Variants in TFCP2 observed in about 807,000 individuals in gnomAD.
TFCP2 encodes the protein alpha-globin transcription factor CP2.
A neutral mutation model predicts 73.4 loss-of-function variants in TFCP2; 33 were observed. That is an observed-to-expected ratio of 0.45 (90% CI 0.34 to 0.60). The LOEUF is 0.60. Among genes scored for constraint, TFCP2 ranks in the 20% least tolerant of loss-of-function variants. The probability of loss-of-function intolerance (pLI) is 0.01; values close to 1 mark genes in which losing one functional copy is unlikely to be tolerated. For synonymous variants in TFCP2, 193 were observed against 211.6 expected (o/e 0.91, Z 0.76); for missense variants, 352 against 604.0 (o/e 0.58, Z 4.37).
chr12:51,149,239 G>A (rs1463852700), intron 1 of TFCP2, among the ~76,000 whole-genome samples: 2 of 151,962 alleles, frequency 1.3e-5, no homozygotes, highest in Non-Finnish European at 2.9e-5. Flanking sequence ...AAATGTTTAA[G>A]TATAATACAA....
rs1939922956 is a variant in TFCP2, at chr12:51,095,167, T to G, written c.*74A>C. 1.3e-6 allele frequency: 2 copies of G among 1,501,190 alleles called. No individual in the cohort carries two copies. Among genetic ancestry groups the G allele is most frequent in the Admixed American group, 3.3e-5 (2 of 59,870 alleles). 93.0% of individuals were successfully genotyped at this position (1,501,190 alleles called of 1,614,324 possible). A position where few individuals can be genotyped will look rare whatever the true frequency, so the allele number is the denominator to read the frequency against. On this transcript the variant is annotated 3_prime_UTR_variant, in exon 15 of 15. Transcript: ENST00000257915. ...TTCTTGCAGACCTTCAAATCTCCATTCATATCCCCCTTCAAGAGGGCCGTT... is the reference window on the plus strand; with the variant it reads ...TTCTTGCAGACCTTCAAATCTCCATGCATATCCCCCTTCAAGAGGGCCGTT...
At chr12:51,116,106 T>C (rs1248601389) in intron 4 of TFCP2, among the ~76,000 whole-genome samples, 1 of 152,254 alleles carries the variant, frequency 6.6e-6, no homozygotes, top group African/African-American at 2.4e-5. Context: ...ATAGTTGCTA[T>C]GGAACTAAAG....
At chr12:51,139,657 C>A (rs979066474) in intron 1 of TFCP2, among the ~76,000 whole-genome samples, 2 of 152,168 alleles carry the variant, frequency 1.3e-5, no homozygotes, top group Non-Finnish European at 2.9e-5. Context: ...ACATGACAGA[C>A]AGGAGACACT....
Position 51,095,231 on chromosome 12 carries a change from C to T in TFCP2, c.*10G>A, listed in dbSNP as rs374011337. On this transcript the variant is annotated 3_prime_UTR_variant, in exon 15 of 15. Coordinates refer to ENST00000257915, the MANE Select transcript of TFCP2 (RefSeq NM_005653.5). ...GAAGGAGCAGCCACTGGGCACGAAACGCCGCACTCCTACTTCAGTATGATA... is the reference window on the plus strand; with the variant it reads ...GAAGGAGCAGCCACTGGGCACGAAATGCCGCACTCCTACTTCAGTATGATA... 3.4e-5 allele frequency: 55 copies of T among 1,613,850 alleles called. No homozygotes were observed. Among genetic ancestry groups the T allele is most frequent in the Admixed American group, 3.2e-4 (19 of 59,962 alleles).
chr12:51,157,213 G>C (rs1189257197), intron 1 of TFCP2, among the ~76,000 whole-genome samples: 4 of 151,944 alleles, frequency 2.6e-5, no homozygotes, highest in Non-Finnish European at 5.9e-5. Context: ...GTGGAGACGG[G>C]GTTTCACTAT....
intron 1 of TFCP2, among the ~76,000 whole-genome samples, chr12:51,133,286 C>A (rs1258522938): frequency 1.3e-5 from 2 of 152,096 alleles, no homozygotes; most frequent in Non-Finnish European, 2.9e-5. Context: ...TACTACACTG[C>A]CAATAAAATA....
intron 1 of TFCP2, among the ~76,000 whole-genome samples, chr12:51,125,653 T>C (rs1459571582): frequency 6.6e-6 from 1 of 152,248 alleles, no homozygotes; most frequent in Non-Finnish European, 1.5e-5. Flanking sequence ...AATTCCAGAA[T>C]CATAAAGAAA....
chr12:51,120,202 GAAC>G lies in TFCP2; in HGVS notation c.123-1433_123-1431del, dbSNP rs1382057934. 1.5e-4 allele frequency among the ~76,000 whole-genome samples: 12 copies of G among 80,854 alleles called. No homozygotes were observed. The East Asian group carries it at 3.1e-3, about 21-fold the overall frequency. The allele number at this position is 80,854 out of a possible 152,430, so 53.0% of individuals were successfully genotyped here. ...CAAAAAAAAAAAAAAAAAAAAAAAA[GAAC>G]AACAACAACAACAAAAAAATAAAAA... On this transcript the variant is annotated intron_variant, in intron 1 of 14. Transcript: ENST00000257915.
intron 1 of TFCP2, among the ~76,000 whole-genome samples, chr12:51,138,205 T>C (rs899049532): frequency 6.6e-6 from 1 of 151,808 alleles, no homozygotes; most frequent in Non-Finnish European, 1.5e-5. Flanking sequence ...GCAATGGCAC[T>C]ATCTCGGCTC....
In TFCP2 at chr12:51,168,155, G is replaced by A. The variant is rs117439900; in HGVS notation, c.122+4146C>T. Reference sequence around the variant, plus strand: ...TCACACCTATAATCCCGGCACTTTGGGAGGCCAAGGGGGAAGAACTGTTTG... The same window carrying A: ...TCACACCTATAATCCCGGCACTTTGAGAGGCCAAGGGGGAAGAACTGTTTG... On this transcript the variant is annotated intron_variant, in intron 1 of 14. Coordinates refer to ENST00000257915, the MANE Select transcript of TFCP2 (RefSeq NM_005653.5). Among the ~76,000 whole-genome samples the A allele has an allele frequency of 2.0e-3, 307 of 152,266 alleles. 11 individuals are homozygous for A. The East Asian group carries it at 0.055, about 27-fold the overall frequency.
chr12:51,141,277 A>C (rs1252408750), intron 1 of TFCP2, among the ~76,000 whole-genome samples: 1 of 151,590 alleles, frequency 6.6e-6, no homozygotes, highest in Non-Finnish European at 1.5e-5. Flanking sequence ...TCTGCCCAGA[A>C]GGCTAAATAA....
intron 6 of TFCP2, among the ~76,000 whole-genome samples, chr12:51,107,695 C>T (rs181019040): frequency 4.9e-4 from 75 of 152,054 alleles, no homozygotes; most frequent in Middle Eastern, 3.4e-3. Flanking sequence ...CAACCTCCGC[C>T]TCCAGGGTTC....
At chr12:51,125,764 A>AT (rs2136995056) in intron 1 of TFCP2, among the ~76,000 whole-genome samples, 1 of 152,320 alleles carries the variant, frequency 6.6e-6, no homozygotes, top group East Asian at 1.9e-4. Flanking sequence ...TCATTTTGGA[A>AT]TTTTTTATCT....
chr12:51,099,424 G>A (rs1940051120), intron 12 of TFCP2, among the ~76,000 whole-genome samples: 1 of 150,584 alleles, frequency 6.6e-6, no homozygotes, highest in South Asian at 2.1e-4. Context: ...GCTGCAATGA[G>A]TCATGATTGT....
At position 51,160,302 on chromosome 12, in the gene TFCP2, A is replaced by AT. The variant is rs1216096968; in HGVS notation, c.122+11998dup. Among the ~76,000 whole-genome samples the AT allele has an allele frequency of 2.0e-5, 3 of 151,868 alleles. No individual in the cohort carries two copies. The East Asian group carries it at 5.8e-4, about 29-fold the overall frequency. ...AGGTGCCCACCACCATGCCCAGCTA[A>AT]TTTTTTGTATCTTTAGCAGAGATGA... On this transcript the variant is annotated intron_variant, in intron 1 of 14. Transcript: ENST00000257915.
intron 1 of TFCP2, among the ~76,000 whole-genome samples, chr12:51,150,156 G>A (rs1434801561): frequency 4.6e-5 from 7 of 152,178 alleles, no homozygotes; most frequent in Admixed American, 6.5e-5. Flanking sequence ...AGTGGCTCAC[G>A]CCTGTAATCC....
intron 8 of TFCP2, among the ~76,000 whole-genome samples, chr12:51,104,961 C>T (rs928770520): frequency 1.9e-4 from 29 of 152,098 alleles, no homozygotes; most frequent in African/African-American, 5.6e-4. Flanking sequence ...ATCCGCCCGC[C>T]TCCGCCTCCC....
chr12:51,161,000 T>C (rs970346895), intron 1 of TFCP2, among the ~76,000 whole-genome samples: 1 of 152,144 alleles, frequency 6.6e-6, no homozygotes, highest in Non-Finnish European at 1.5e-5. Context: ...GTTTCACACA[T>C]GCACACCCCC....
intron 8 of TFCP2, among the ~76,000 whole-genome samples, chr12:51,105,719 C>T (rs889102810): frequency 1.3e-5 from 2 of 152,138 alleles, no homozygotes; most frequent in East Asian, 1.9e-4. Flanking sequence ...CTAATACCTA[C>T]TTTTATTCTT....
Sources: allele counts gnomAD v4.1 joint callset (sites outside exome capture counted in the v4.1 genomes callset), GRCh38; gene constraint gnomAD v4.1.1; transcripts MANE v1.5; gene names NCBI Gene and HGNC (gene_info 2026-07-23, HGNC 2026-07-21).